PIAS2: variants seen among roughly 807,000 people sequenced by gnomAD.
PIAS2 encodes protein inhibitor of activated STAT 2.
PIAS2 carries 19 observed loss-of-function variants against 69.7 expected under a neutral mutation model. The observed-to-expected ratio is 0.27, with a 90% CI of 0.19 to 0.40. The LOEUF (loss-of-function observed/expected upper bound fraction) is 0.40. Among genes scored for constraint, PIAS2 ranks in the 10% least tolerant of loss-of-function variants. The pLI is 1.00. For synonymous variants in PIAS2, 261 were observed against 263.2 expected (o/e 0.99, Z 0.08); for missense variants, 624 against 757.0 (o/e 0.82, Z 2.06).
intron 3 of PIAS2, among the ~76,000 whole-genome samples, chr18:46,862,331 T>G (rs1237234364): frequency 6.6e-6 from 1 of 151,982 alleles, no homozygotes; most frequent in African/African-American, 2.4e-5. Context: ...CGAGACTCTG[T>G]CTCAAAAAAA....
chr18:46,918,144 T>C (rs895075260), upstream of PIAS2: 6 of 152,030 alleles, frequency 3.9e-5, no homozygotes, highest in Admixed American at 3.3e-4. Flanking sequence ...GGAAATCTGA[T>C]AGCTAGGAAG....
At chr18:46,902,074 T>C (rs2055947369) in intron 1 of PIAS2, among the ~76,000 whole-genome samples, 1 of 152,090 alleles carries the variant, frequency 6.6e-6, no homozygotes, top group Admixed American at 6.5e-5. Flanking sequence ...GGTCCCAGGA[T>C]ATAAAATCAA....
intron 12 of PIAS2, chr18:46,818,294 A>G: frequency 7.3e-7 from 1 of 1,377,830 alleles, no homozygotes; most frequent in Non-Finnish European, 9.4e-7. Flanking sequence ...ATATGGCACT[A>G]GCAATAATAA....
intron 10 of PIAS2, 134 bp from the exon 11 acceptor site, chr18:46,828,264 T>G: frequency 1.5e-6 from 1 of 681,910 alleles, no homozygotes. Flanking sequence ...CTCCAACCCA[T>G]GGACAAATAC....
rs543409258 is a variant in PIAS2 at position 46,866,145 on chromosome 18, A to G, written c.500-1897T>C. Reference sequence around the variant, plus strand: ...AGAGAGTGCAAAATGAGACATTAAAAAAGAAAACTACTTGCAGAAATAATG... The same window carrying G: ...AGAGAGTGCAAAATGAGACATTAAAGAAGAAAACTACTTGCAGAAATAATG... On this transcript the variant is annotated intron_variant, in intron 2 of 13. Coordinates refer to ENST00000585916, the MANE Select transcript of PIAS2 (RefSeq NM_004671.5). Among the ~76,000 whole-genome samples, 36 of 152,378 alleles carry G rather than the reference A, an allele frequency of 2.4e-4. No homozygotes were observed. The South Asian group carries it at 7.2e-3, about 31-fold the overall frequency.
chr18:46,877,460 A>G lies in PIAS2; in HGVS notation c.499+13120T>C, dbSNP rs1255691749. Among the ~76,000 whole-genome samples, 16 of 152,038 alleles carry G rather than the reference A, an allele frequency of 1.1e-4. 1 individual carries two copies. The highest frequency in any genetic ancestry group is 1.0e-3 in the Admixed American group (16 of 15,262). ...AGTCACATCTCTTCCTTATTTGGAAAGCGTCCTCTTCACTCCTGACCACCC... is the reference window on the plus strand; with the variant it reads ...AGTCACATCTCTTCCTTATTTGGAAGGCGTCCTCTTCACTCCTGACCACCC... On this transcript the variant is annotated intron_variant, in intron 2 of 13. Transcript: ENST00000585916.
rs934817831 is a variant in PIAS2 at position 46,804,602 on chromosome 18, TA to T, written c.*7830del. On this transcript the variant is annotated 3_prime_UTR_variant, in exon 14 of 14. Transcript: ENST00000585916. ...TTCCTTAGCAAACTTCCAGCAATTC[TA>T]AACATTTCTGGCCCTTTTTGGACAA... The T allele has an allele frequency of 1.3e-5, 2 of 152,232 alleles. No homozygotes were observed. Among genetic ancestry groups the T allele is most frequent in the Admixed American group, 1.3e-4 (2 of 15,286 alleles). 9.4% of individuals were successfully genotyped at this position (152,232 alleles called of 1,614,324 possible).
intron 5 of PIAS2, among the ~76,000 whole-genome samples, chr18:46,849,219 T>G (rs626217): frequency 0.53 from 80,300 of 151,960 alleles, 21,446 homozygotes; most frequent in African/African-American, 0.57. Context: ...TCAGAATCAT[T>G]TTAGTCTCAC....
chr18:46,889,904 T>C (rs140609333), intron 2 of PIAS2, among the ~76,000 whole-genome samples: 1 of 152,342 alleles, frequency 6.6e-6, no homozygotes, highest in African/African-American at 2.4e-5. Flanking sequence ...GCTAAAATAA[T>C]TAAGGTTGTT....
intron 2 of PIAS2, among the ~76,000 whole-genome samples, chr18:46,870,185 T>C (rs547331145): frequency 1.3e-5 from 2 of 152,160 alleles, no homozygotes; most frequent in Non-Finnish European, 2.9e-5. Flanking sequence ...AAAAAGGATA[T>C]TCAGAACTCC....
chr18:46,914,171 C>T (rs2057549460), intron 1 of PIAS2, among the ~76,000 whole-genome samples: 1 of 152,200 alleles, frequency 6.6e-6, no homozygotes, highest in Non-Finnish European at 1.5e-5. Flanking sequence ...ACCTTGAAAG[C>T]TTCTAATATA....
intron 5 of PIAS2, among the ~76,000 whole-genome samples, chr18:46,855,103 T>TAAAAAAAAAAAA (rs59957336): frequency 1.3e-5 from 1 of 76,348 alleles, no homozygotes; most frequent in Non-Finnish European, 2.3e-5. Context: ...CTTGTCTCTT[T>TAAAAAAAAAAAA]AAAAAAAAAA....
intron 3 of PIAS2, among the ~76,000 whole-genome samples, chr18:46,861,806 C>T (rs2048709161): frequency 6.6e-6 from 1 of 152,098 alleles, no homozygotes; most frequent in South Asian, 2.1e-4. Context: ...AGTAGGATGA[C>T]TCAACAATTA....
At chr18:46,884,472 C>T (rs1035941287) in intron 2 of PIAS2, among the ~76,000 whole-genome samples, 8 of 151,912 alleles carry the variant, frequency 5.3e-5, no homozygotes, top group South Asian at 2.1e-4. Flanking sequence ...GCCACCACGC[C>T]GGCTAATTTT....
chr18:46,855,316 G>A, intron 5 of PIAS2, 29 bp downstream of exon 5: 1 of 1,405,060 alleles, frequency 7.1e-7, no homozygotes, highest in Non-Finnish European at 1.0e-6. Flanking sequence ...AAACTTATAT[G>A]CAAATCTGGT....
At chr18:46,920,037 G>T, upstream of PIAS2, 1 of 1,287,188 alleles carries the variant, frequency 7.8e-7, no homozygotes, top group Non-Finnish European at 1.0e-6. Context: ...GAAAAGAAAA[G>T]CAAAGCCCCA....
chr18:46,882,093 T>C (rs1011097501), intron 2 of PIAS2, among the ~76,000 whole-genome samples: 1 of 151,894 alleles, frequency 6.6e-6, no homozygotes, highest in Non-Finnish European at 1.5e-5. Context: ...CAAGACTTTG[T>C]CTCGGTGGCG....
intron 12 of PIAS2, chr18:46,816,637 TA>T: frequency 7.8e-6 from 2 of 255,190 alleles, no homozygotes; most frequent in African/African-American, 2.3e-5. Flanking sequence ...TTATTATTAT[TA>T]TTTTTTTTTT....
chr18:46,871,280 G>T (rs953736972), intron 2 of PIAS2, among the ~76,000 whole-genome samples: 1 of 152,076 alleles, frequency 6.6e-6, no homozygotes, highest in Non-Finnish European at 1.5e-5. Flanking sequence ...TTCCAACAGG[G>T]GTTCCAAAAG....
Sources: allele counts gnomAD v4.1 joint callset (sites outside exome capture counted in the v4.1 genomes callset), GRCh38; gene constraint gnomAD v4.1.1; transcripts MANE v1.5; gene names NCBI Gene and HGNC (gene_info 2026-07-23, HGNC 2026-07-21).